PARD3B: variants seen among roughly 807,000 people sequenced by gnomAD.
PARD3B encodes the protein partitioning defective 3 homolog B.
A neutral mutation model predicts 130.2 loss-of-function variants in PARD3B; 103 were observed. The ratio of observed to expected loss-of-function variants is 0.79; its 90% confidence interval spans 0.67 to 0.93. The LOEUF is 0.93. Among genes scored for constraint, PARD3B ranks in the 40% least tolerant of loss-of-function variants. The pLI is 0.00. For synonymous variants in PARD3B, 583 were observed against 553.2 expected (o/e 1.05, Z -0.76); for missense variants, 1,609 against 1,499.2 (o/e 1.07, Z -1.21).
chr2:205,562,157 AT>A lies in PARD3B; in HGVS notation c.3260+8759del, dbSNP rs2053162023. Among the ~76,000 whole-genome samples the A allele has an allele frequency of 2.0e-5, 3 of 152,180 alleles. No homozygotes were observed. The South Asian group carries it at 6.2e-4, about 31-fold the overall frequency. On this transcript the variant is annotated intron_variant, in intron 22 of 22. Transcript: ENST00000406610. The surrounding 1 kb of genome is among the most constrained non-coding windows in gnomAD (Gnocchi z 5.4). ...AGGGGGTTAATGCTACTGCCACCTC[AT>A]TTTTATGTCACTTAGTTCCTCAGAT...
chr2:205,296,184 T>A (rs575963440), intron 16 of PARD3B, among the ~76,000 whole-genome samples: 1 of 152,316 alleles, frequency 6.6e-6, no homozygotes, highest in South Asian at 2.1e-4. Flanking sequence ...TTATCCTCAA[T>A]ATGATAGCTG....
chr2:204,829,871 C>T (rs1179073093), intron 2 of PARD3B, among the ~76,000 whole-genome samples: 8 of 151,724 alleles, frequency 5.3e-5, no homozygotes, highest in Non-Finnish European at 8.8e-5. Context: ...TGGTAGTGGG[C>T]GCCTGTAGTC....
At chr2:204,780,876 G>C (rs1379796433) in intron 2 of PARD3B, among the ~76,000 whole-genome samples, 1 of 149,412 alleles carries the variant, frequency 6.7e-6, no homozygotes, top group Non-Finnish European at 1.5e-5. Flanking sequence ...ATCTGAGCCA[G>C]AAAGAAAAAA....
At chr2:205,222,587 A>G (rs2038301514) in intron 15 of PARD3B, among the ~76,000 whole-genome samples, 2 of 152,242 alleles carry the variant, frequency 1.3e-5, no homozygotes, top group African/African-American at 4.8e-5. Flanking sequence ...GAAAACATAC[A>G]TTATAAATAG....
At chr2:204,613,512 A>G (rs2034003345) in intron 1 of PARD3B, among the ~76,000 whole-genome samples, 1 of 151,950 alleles carries the variant, frequency 6.6e-6, no homozygotes, top group East Asian at 1.9e-4. Flanking sequence ...CAAGACACAC[A>G]GTTTTTCAGT....
intron 3 of PARD3B, among the ~76,000 whole-genome samples, chr2:205,014,778 C>T (rs10172766): frequency 0.37 from 56,739 of 151,870 alleles, 10,881 homozygotes; most frequent in Admixed American, 0.47. Context: ...TGAGAAGTGC[C>T]ACAAAGGCAA....
intron 2 of PARD3B, among the ~76,000 whole-genome samples, chr2:204,804,299 T>C (rs555794763): frequency 6.6e-6 from 1 of 152,158 alleles, no homozygotes; most frequent in South Asian, 2.1e-4. Flanking sequence ...AAATAGGGGA[T>C]AGAAAGAGAT....
At chr2:205,283,847 C>A in intron 16 of PARD3B, among the ~76,000 whole-genome samples, 1 of 152,162 alleles carries the variant, frequency 6.6e-6, no homozygotes, top group South Asian at 2.1e-4. Flanking sequence ...CCCCTCTTCC[C>A]TGAAGTAAGC....
chr2:204,925,297 G>T (rs1687516691), intron 2 of PARD3B, among the ~76,000 whole-genome samples: 1 of 152,046 alleles, frequency 6.6e-6, no homozygotes, highest in South Asian at 2.1e-4. Context: ...GATGATGGTG[G>T]CTATGAAGAG....
rs143205478 is a variant in PARD3B at position 204,888,618 on chromosome 2, C to T, written c.223-76534C>T. The stretch of plus-strand genomic sequence containing the variant: ...TGGTTGTGTGCTTCTGTAGTTCCAG[C>T]TACTCGGGAGGCTCAGGTGGGAGGA... On this transcript the variant is annotated intron_variant, in intron 2 of 22. Coordinates refer to ENST00000406610, the MANE Select transcript of PARD3B (RefSeq NM_001302769.2). 9.0e-4 allele frequency among the ~76,000 whole-genome samples: 137 copies of T among 151,636 alleles called. 1 individual carries two copies. The highest frequency in any genetic ancestry group is 3.2e-3 in the African/African-American group (131 of 41,276).
At position 205,278,939 on chromosome 2, in the gene PARD3B, C is replaced by T. The variant is rs1299434305; in HGVS notation, c.2186-21591C>T. ...TATAAAAATTAGCTGAGTGTGATGG[C>T]GGGCGTCTGTAATCCCAGCTACTCG... On this transcript the variant is annotated intron_variant, in intron 16 of 22. Transcript: ENST00000406610. 6.6e-5 allele frequency among the ~76,000 whole-genome samples: 10 copies of T among 151,564 alleles called. No homozygotes were observed. In the East Asian group the frequency reaches 9.7e-4, roughly 15 times the overall value.
At chr2:204,972,122 AT>A (rs1284209834) in intron 3 of PARD3B, among the ~76,000 whole-genome samples, 1 of 152,180 alleles carries the variant, frequency 6.6e-6, no homozygotes, top group Non-Finnish European at 1.5e-5. Context: ...CCCCTAAAAA[AT>A]ATTAAAAGGT....
intron 22 of PARD3B, among the ~76,000 whole-genome samples, chr2:205,611,205 G>A (rs2055217216): frequency 6.6e-6 from 1 of 152,126 alleles, no homozygotes; most frequent in Non-Finnish European, 1.5e-5. Flanking sequence ...ATTCAAAATT[G>A]CTCATGCCCC....
chr2:205,296,450 T>A (rs527817967), intron 16 of PARD3B, among the ~76,000 whole-genome samples: 1 of 152,186 alleles, frequency 6.6e-6, no homozygotes, highest in Non-Finnish European at 1.5e-5. Context: ...AAGGACCTTC[T>A]GTTTCATAGC....
At chr2:205,339,508 A>C (rs762442751) in intron 18 of PARD3B, among the ~76,000 whole-genome samples, 5 of 152,220 alleles carry the variant, frequency 3.3e-5, no homozygotes, top group African/African-American at 7.2e-5. Context: ...CCTCAAGCTT[A>C]CTGAATTAGA....
In PARD3B at chr2:205,499,992, C is replaced by A. The variant is rs370080728; in HGVS notation, c.3141C>A (p.Asp1047Glu). 5.0e-6 allele frequency: 8 copies of A among 1,613,716 alleles called. No individual in the cohort carries two copies. Among genetic ancestry groups the A allele is most frequent in the Non-Finnish European group, 6.8e-6 (8 of 1,179,780 alleles). ...AAGGTTTCCCTTTATATGAAGACGA[C>A]GAAGGAAGAGCAAGGCCATCTGAGT... ...RREGFPLYED[D>E]EGRARPSEYD... The change falls in exon 21 of 23, where the codon GAC (aspartate) becomes GAA (glutamate). Residue 1047 changes from aspartate to glutamate, a missense_variant. Asp to Glu is a conservative substitution (Grantham distance 45). Transcript: ENST00000406610.
At chr2:204,766,586 A>G (rs1485667493) in intron 2 of PARD3B, among the ~76,000 whole-genome samples, 3 of 152,080 alleles carry the variant, frequency 2.0e-5, no homozygotes, top group African/African-American at 7.2e-5. Flanking sequence ...CAAAATTTTG[A>G]TTTCCTTGAC....
intron 2 of PARD3B, among the ~76,000 whole-genome samples, chr2:204,701,582 C>G (rs2037893586): frequency 6.6e-6 from 1 of 152,056 alleles, no homozygotes; most frequent in African/African-American, 2.4e-5. Context: ...ATCTGAAACT[C>G]TATTTTAAGT....
chr2:205,328,918 C>T (rs188872920), intron 18 of PARD3B, among the ~76,000 whole-genome samples: 7 of 152,116 alleles, frequency 4.6e-5, no homozygotes, highest in South Asian at 2.1e-4. Context: ...GCACAGCAGA[C>T]GGTGAAATAG....
Sources: gnomAD v4.1 joint callset for allele counts (sites outside exome capture counted in the v4.1 genomes callset) on GRCh38, gnomAD v4.1.1 for gene constraint, Gnocchi (gnomAD v3.1) non-coding constraint, MANE v1.5 for transcripts, NCBI Gene and HGNC (gene_info 2026-07-23, HGNC 2026-07-21) for gene names.